The following TATDN1 variants were observed in gnomAD, a reference collection of about 807,000 sequenced individuals.
The protein encoded by TATDN1 is TatD DNase domain containing 1.
Under a neutral mutation model 46.4 loss-of-function variants are expected in TATDN1, and 40 were observed. That is an observed-to-expected ratio of 0.86 (90% CI 0.67 to 1.12). The LOEUF is 1.12. TATDN1 is among the 50% of genes most tolerant of loss of function. The pLI, the probability that TATDN1 is intolerant of heterozygous loss-of-function variation, is 0.00. For synonymous variants in TATDN1, 95 were observed against 105.6 expected (o/e 0.90, Z 0.62); for missense variants, 326 against 348.4 (o/e 0.94, Z 0.51).
intron 8 of TATDN1, 68 bp downstream of exon 8, chr8:124,508,406 T>G: frequency 7.4e-7 from 1 of 1,358,438 alleles, no homozygotes; most frequent in Non-Finnish European, 1.0e-6. Context: ...ATTTTGTACT[T>G]GGGAGTATTT....
At chr8:124,491,552 T>C (rs1428446247) in intron 11 of TATDN1, 1 of 152,248 alleles carries the variant, frequency 6.6e-6, no homozygotes, top group East Asian at 1.9e-4. Context: ...CTCTGTCTGC[T>C]TATGTGCTCC....
chr8:124,508,547 T>C (rs1376333548), intron 7 of TATDN1, 33 bp from the exon 8 acceptor site: 1 of 1,610,124 alleles, frequency 6.2e-7, no homozygotes, highest in South Asian at 1.1e-5. Context: ...TTTTAGCAAA[T>C]AGCTTGATTT....
chr8:124,527,396 G>T (rs1211728374), intron 1 of TATDN1, among the ~76,000 whole-genome samples: 1 of 152,174 alleles, frequency 6.6e-6, no homozygotes, highest in Non-Finnish European at 1.5e-5. Context: ...GGTGAAACTG[G>T]TCAGCTGTCA....
At chr8:124,498,694 G>T (rs1018627648) in intron 9 of TATDN1, among the ~76,000 whole-genome samples, 43 of 152,070 alleles carry the variant, frequency 2.8e-4, no homozygotes, top group Middle Eastern at 6.8e-3. Context: ...ACTATCACCT[G>T]GGCTGGAGTG....
intron 1 of TATDN1, among the ~76,000 whole-genome samples, chr8:124,529,310 T>C (rs530569853): frequency 6.6e-6 from 1 of 152,336 alleles, no homozygotes; most frequent in South Asian, 2.1e-4. Context: ...AATCATATCC[T>C]TATTGACATA....
intron 6 of TATDN1, among the ~76,000 whole-genome samples, chr8:124,508,934 C>T (rs1818760965): frequency 6.6e-6 from 1 of 152,176 alleles, no homozygotes. Context: ...CAGAAAGTAA[C>T]ACCACTGGCC....
At chr8:124,508,770 A>C in intron 6 of TATDN1, 82 bp from the exon 7 acceptor site, 1 of 856,274 alleles carries the variant, frequency 1.2e-6, no homozygotes, top group Non-Finnish European at 1.8e-6. Flanking sequence ...AGAGCTTTTA[A>C]ATTAAAGGTA....
chr8:124,526,080 C>T (rs1563685374), intron 1 of TATDN1, among the ~76,000 whole-genome samples: 1 of 152,224 alleles, frequency 6.6e-6, no homozygotes, highest in Non-Finnish European at 1.5e-5. Context: ...AAATGCCATA[C>T]ACCCTATAGT....
At chr8:124,493,395 CTA>C (rs1290983385) in intron 11 of TATDN1, among the ~76,000 whole-genome samples, 1 of 151,980 alleles carries the variant, frequency 6.6e-6, no homozygotes, top group African/African-American at 2.4e-5. Flanking sequence ...TTCACTTGTG[CTA>C]TATATATATC....
At chr8:124,512,075 T>C (rs959100241) in intron 6 of TATDN1, among the ~76,000 whole-genome samples, 9 of 152,152 alleles carry the variant, frequency 5.9e-5, no homozygotes, top group African/African-American at 2.2e-4. Context: ...GCCCCCTAAT[T>C]TTCTATTTTT....
chr8:124,493,494 T>A (rs902109507), intron 11 of TATDN1, among the ~76,000 whole-genome samples: 1 of 152,032 alleles, frequency 6.6e-6, no homozygotes, highest in African/African-American at 2.4e-5. Flanking sequence ...AAAAAGGGGG[T>A]AGGAAAAAAG....
intron 3 of TATDN1, among the ~76,000 whole-genome samples, chr8:124,520,314 G>T (rs981253000): frequency 3.3e-5 from 5 of 151,868 alleles, no homozygotes; most frequent in Non-Finnish European, 7.4e-5. Flanking sequence ...GCAGGCCCCT[G>T]TAGTCCCAGC....
chr8:124,503,786 C>CA (rs1491313427), intron 9 of TATDN1: 1 of 587,770 alleles, frequency 1.7e-6, no homozygotes, highest in Non-Finnish European at 2.9e-6. Context: ...GCAGAAAGAT[C>CA]ACAGAGTGAG....
chr8:124,528,975 A>G (rs1446634661), intron 1 of TATDN1, among the ~76,000 whole-genome samples: 1 of 152,224 alleles, frequency 6.6e-6, no homozygotes, highest in Non-Finnish European at 1.5e-5. Flanking sequence ...TGGGCCCCAC[A>G]GTGAAGGTTA....
At chr8:124,512,633 C>T (rs1819123100) in intron 6 of TATDN1, among the ~76,000 whole-genome samples, 1 of 152,202 alleles carries the variant, frequency 6.6e-6, no homozygotes, top group Admixed American at 6.5e-5. Context: ...TACTAAGTGC[C>T]TACCATGTGC....
At chr8:124,505,122 C>T (rs140404764) in intron 8 of TATDN1, among the ~76,000 whole-genome samples, 4 of 151,354 alleles carry the variant, frequency 2.6e-5, no homozygotes, top group Admixed American at 6.6e-5. Flanking sequence ...CAATGGCTCA[C>T]GCCTGTAACC....
At chr8:124,523,980 C>T (rs1475448109) in intron 1 of TATDN1, among the ~76,000 whole-genome samples, 1 of 152,108 alleles carries the variant, frequency 6.6e-6, no homozygotes, top group African/African-American at 2.4e-5. Context: ...AAAAAAAATG[C>T]CTCCCTTATT....
chr8:124,536,128 T>C (rs1821407605), intron 1 of TATDN1, among the ~76,000 whole-genome samples: 1 of 152,236 alleles, frequency 6.6e-6, no homozygotes, highest in Non-Finnish European at 1.5e-5. Flanking sequence ...TAGTCTAAGA[T>C]CAATGCAGTA....
At chr8:124,497,919 C>A (rs1265954317) in intron 9 of TATDN1, among the ~76,000 whole-genome samples, 2 of 152,280 alleles carry the variant, frequency 1.3e-5, no homozygotes, top group African/African-American at 4.8e-5. Context: ...AGTGTTGATT[C>A]CCTAGCTTCG....
Sources: gnomAD v4.1 joint callset for allele counts (sites outside exome capture counted in the v4.1 genomes callset) on GRCh38, gnomAD v4.1.1 for gene constraint, MANE v1.5 for transcripts, NCBI Gene and HGNC (gene_info 2026-07-23, HGNC 2026-07-21) for gene names.